The following ARNT2 variants were observed in gnomAD, a reference collection of about 807,000 sequenced individuals.
ARNT2 encodes the protein aryl hydrocarbon receptor nuclear translocator 2.
Under a neutral mutation model 91.7 loss-of-function variants are expected in ARNT2, and 36 were observed. The observed-to-expected ratio is 0.39, with a 90% CI of 0.30 to 0.52. ARNT2 has a LOEUF of 0.52. Ranked by LOEUF, ARNT2 falls within the 20% of genes least tolerant of loss-of-function variation. The pLI is 0.72. For synonymous variants in ARNT2, 365 were observed against 347.1 expected (o/e 1.05, Z -0.57); for missense variants, 775 against 939.3 (o/e 0.83, Z 2.29).
intron 12 of ARNT2, among the ~76,000 whole-genome samples, chr15:80,568,418 C>G (rs1020085008): frequency 6.6e-6 from 1 of 152,192 alleles, no homozygotes; most frequent in African/African-American, 2.4e-5. Context: ...CATAACCACA[C>G]CTGTTGGTCG....
At chr15:80,491,169 G>T (rs1480903320) in intron 5 of ARNT2, among the ~76,000 whole-genome samples, 1 of 152,174 alleles carries the variant, frequency 6.6e-6, no homozygotes, top group Admixed American at 6.5e-5. Context: ...AAGTGAGGAA[G>T]GCCATTGTAT....
At chr15:80,481,830 C>T (rs1896895040) in intron 5 of ARNT2, among the ~76,000 whole-genome samples, 1 of 152,198 alleles carries the variant, frequency 6.6e-6, no homozygotes, top group South Asian at 2.1e-4. Flanking sequence ...AACTTCTGGC[C>T]TCAAGCAGTC....
At chr15:80,473,174 G>C (rs554358249) in intron 4 of ARNT2, among the ~76,000 whole-genome samples, 1 of 152,326 alleles carries the variant, frequency 6.6e-6, no homozygotes, top group South Asian at 2.1e-4. Context: ...GCACAGCTAA[G>C]TGGGAGAGCG....
chr15:80,541,510 AT>A (rs1305873210), intron 8 of ARNT2, among the ~76,000 whole-genome samples: 2 of 151,850 alleles, frequency 1.3e-5, no homozygotes, highest in Admixed American at 1.3e-4. Context: ...CTACTTGTCA[AT>A]TTTTTTCGTT....
At chr15:80,459,286 A>T (rs558239206) in intron 3 of ARNT2, among the ~76,000 whole-genome samples, 1 of 152,350 alleles carries the variant, frequency 6.6e-6, no homozygotes, top group Non-Finnish European at 1.5e-5. Flanking sequence ...GAGTTTCAAT[A>T]ACAAAAGCAT....
At chr15:80,430,606 G>A (rs1221660537) in intron 1 of ARNT2, among the ~76,000 whole-genome samples, 2 of 152,164 alleles carry the variant, frequency 1.3e-5, no homozygotes, top group Non-Finnish European at 2.9e-5. Context: ...CTCTGTGCTG[G>A]CTTCTTTGCA....
At chr15:80,535,687 T>A (rs1454808037) in intron 8 of ARNT2, among the ~76,000 whole-genome samples, 1 of 152,146 alleles carries the variant, frequency 6.6e-6, no homozygotes, top group Admixed American at 6.5e-5. Flanking sequence ...TCAACCTGTC[T>A]TTGTCTTTTA....
chr15:80,411,924 C>G (rs59215602), intron 1 of ARNT2, among the ~76,000 whole-genome samples: 2,785 of 152,322 alleles, frequency 0.018, 78 homozygotes, highest in African/African-American at 0.064. Context: ...GTGGGATCCT[C>G]CCATTTACTG....
chr15:80,562,683 A>G (rs1310003020), intron 11 of ARNT2, among the ~76,000 whole-genome samples: 3 of 152,220 alleles, frequency 2.0e-5, no homozygotes, highest in Admixed American at 2.0e-4. Context: ...AATACAATGT[A>G]GCTACATACC....
Position 80,581,308 on chromosome 15 carries a change from G to T in ARNT2, c.1822G>T (p.Ala608Ser), listed in dbSNP as rs1378781590. 4 of 1,614,144 alleles carry T rather than the reference G, an allele frequency of 2.5e-6. No homozygotes were observed. The highest frequency in any genetic ancestry group is 3.4e-6 in the Non-Finnish European group (4 of 1,180,012). Residue 608 changes from alanine (A) to serine (S), a missense_variant, in exon 17 of 19, where the codon GCA becomes TCA. Physicochemically the swap from Ala to Ser is moderately conservative, Grantham distance 99. This residue lies in a region of ARNT2 where 325 missense variants were observed against 359.9 expected (regional missense o/e 0.90). Coordinates refer to ENST00000303329, the MANE Select transcript of ARNT2 (RefSeq NM_014862.4). ...GATTGGAACGAGCCACACCTACCCGGCAGACCCCTCTTCCTACAGCCCCCT... is the reference window on the plus strand; with the variant it reads ...GATTGGAACGAGCCACACCTACCCGTCAGACCCCTCTTCCTACAGCCCCCT... ...FGIGTSHTYPADPSSYSPLSS... is the reference protein window; with the variant it reads ...FGIGTSHTYPSDPSSYSPLSS...
intron 4 of ARNT2, among the ~76,000 whole-genome samples, chr15:80,471,785 T>C (rs578161527): frequency 1.3e-5 from 2 of 152,192 alleles, no homozygotes; most frequent in South Asian, 4.2e-4. Context: ...GGAGCCAAGA[T>C]TGGGTCCAGT....
intron 3 of ARNT2, among the ~76,000 whole-genome samples, chr15:80,459,337 C>T (rs943677748): frequency 6.6e-6 from 1 of 152,194 alleles, no homozygotes; most frequent in African/African-American, 2.4e-5. Flanking sequence ...GCAGCTTGGA[C>T]ATCCACCCAT....
intron 9 of ARNT2, among the ~76,000 whole-genome samples, chr15:80,552,369 AAGGC>A (rs903124908): frequency 6.6e-6 from 1 of 152,190 alleles, no homozygotes; most frequent in Non-Finnish European, 1.5e-5. Flanking sequence ...TATCCCTTTT[AAGGC>A]TCACAAATGC....
chr15:80,429,114 G>A (rs1268429493), intron 1 of ARNT2, among the ~76,000 whole-genome samples: 1 of 152,148 alleles, frequency 6.6e-6, no homozygotes, highest in Non-Finnish European at 1.5e-5. Flanking sequence ...ATATATATTT[G>A]GTCTTCACCT....
intron 6 of ARNT2, among the ~76,000 whole-genome samples, chr15:80,509,356 C>T (rs912489024): frequency 6.6e-6 from 1 of 152,004 alleles, no homozygotes. Context: ...GTGAGATGAT[C>T]GCTTGAACCC....
chr15:80,442,837 T>G (rs188537855), intron 1 of ARNT2: 1 of 985,350 alleles, frequency 1.0e-6, no homozygotes, highest in African/African-American at 1.7e-5. Context: ...CCCTATACAG[T>G]GTAGGAGGAT....
intron 10 of ARNT2, among the ~76,000 whole-genome samples, chr15:80,553,727 A>T (rs1036375762): frequency 4.6e-5 from 7 of 151,680 alleles, no homozygotes; most frequent in African/African-American, 1.7e-4. Flanking sequence ...ATTTAAAAAT[A>T]AAAAGCTTTT....
chr15:80,559,158 G>C (rs1272968100), intron 11 of ARNT2, among the ~76,000 whole-genome samples: 1 of 152,218 alleles, frequency 6.6e-6, no homozygotes, highest in Non-Finnish European at 1.5e-5. Context: ...CAAGGCTTCA[G>C]ACTGCTGACG....
intron 8 of ARNT2, among the ~76,000 whole-genome samples, chr15:80,548,137 A>G (rs767498627): frequency 4.1e-4 from 62 of 151,906 alleles, no homozygotes; most frequent in Non-Finnish European, 8.1e-4. Flanking sequence ...GTGAGGCCAT[A>G]TTTTCTTCAT....
Sources: gnomAD v4.1 joint callset for allele counts (sites outside exome capture counted in the v4.1 genomes callset) on GRCh38, gnomAD v4.1.1 for gene constraint, gnomAD v4.1.1 regional missense constraint, MANE v1.5 for transcripts, NCBI Gene and HGNC (gene_info 2026-07-23, HGNC 2026-07-21) for gene names.